Variants in COX20 observed in about 807,000 individuals in gnomAD.
COX20 encodes cytochrome c oxidase assembly protein COX20, mitochondrial.
In COX20, 14 loss-of-function variants were observed where a neutral mutation model predicts 14.3. The observed-to-expected ratio is 0.98, with a 90% CI of 0.65 to 1.53. COX20 has a LOEUF of 1.53. Ranked by LOEUF, COX20 falls within the 40% of genes most tolerant of loss-of-function variation. COX20 has a pLI of 0.00. For synonymous variants in COX20, 56 were observed against 51.7 expected (o/e 1.08, Z -0.36); for missense variants, 149 against 142.1 (o/e 1.05, Z -0.25).
intron 3 of COX20, chr1:244,842,484 A>G: frequency 2.0e-6 from 1 of 511,532 alleles, no homozygotes; most frequent in South Asian, 2.8e-5. Flanking sequence ...TTCACTTAGG[A>G]AAGCCTCAAC....
chr1:244,842,037 TTTGGACATTTTTTG>T lies in COX20; in HGVS notation c.139_152del (p.Gly47HisfsTer2), dbSNP rs1680221765. The T allele has an allele frequency of 6.2e-7, 1 of 1,608,196 alleles. No homozygotes were observed. Among genetic ancestry groups the T allele is most frequent in the Admixed American group, 1.7e-5 (1 of 59,886 alleles). ...TTCATTAGGATCTGTTGTGGCTGGC[TTTGGACATTTTTTG>T]TTCACTAGTGAGTATCTGTATTTTT... On this transcript the variant is annotated frameshift_variant, in exon 2 of 4. Transcript: ENST00000411948. LOFTEE classifies it high-confidence loss of function.
chr1:244,838,024 CAA>C (rs530613439), intron 1 of COX20, among the ~76,000 whole-genome samples: 2 of 148,870 alleles, frequency 1.3e-5, no homozygotes, highest in Non-Finnish European at 3.0e-5. Flanking sequence ...CTTCCCAATT[CAA>C]AAAAAAAATT....
At chr1:244,841,732 G>A (rs187360071) in intron 1 of COX20, 215 of 483,112 alleles carry the variant, frequency 4.5e-4, no homozygotes, top group Non-Finnish European at 5.2e-5. Flanking sequence ...AGGGTTTTCC[G>A]GTCCAATTTG....
intron 1 of COX20, among the ~76,000 whole-genome samples, chr1:244,838,554 C>A (rs970323954): frequency 5.3e-5 from 8 of 152,128 alleles, no homozygotes; most frequent in African/African-American, 1.9e-4. Flanking sequence ...AAAAAAGTTT[C>A]AAAAACAAAT....
chr1:244,844,183 G>T lies in COX20; in HGVS notation c.*1007G>T, dbSNP rs1336126332. 1.3e-5 allele frequency: 2 copies of T among 152,146 alleles called. No homozygotes were observed. The highest frequency in any genetic ancestry group is 2.4e-5 in the African/African-American group (1 of 41,428). The allele number at this position is 152,146 out of a possible 1,614,324, so 9.4% of individuals were successfully genotyped here. A position where few individuals can be genotyped will look rare whatever the true frequency, so the allele number is the denominator to read the frequency against. The stretch of plus-strand genomic sequence containing the variant: ...CAAGGAAGAAAATATTAGTTATTTT[G>T]ATCTACATCTTTTTCTAAAGAAAAG... On this transcript the variant is annotated 3_prime_UTR_variant, in exon 4 of 4. Coordinates refer to ENST00000411948, the MANE Select transcript of COX20 (RefSeq NM_198076.6).
In COX20 at chr1:244,836,476, T is replaced by G. The variant is rs915852835; in HGVS notation, c.42+720T>G. On this transcript the variant is annotated intron_variant, in intron 1 of 3. Transcript: ENST00000411948. ...AAAGCTGACTTACGTACTTTCCCCA[T>G]CTTCCCAGGCATCTTGTACGTCGTT... 3 of 1,550,198 alleles carry G rather than the reference T, an allele frequency of 1.9e-6. No individual in the cohort carries two copies. The African/African-American group carries it at 4.1e-5, about 21-fold the overall frequency.
At chr1:244,837,724 TCTA>T (rs1680039085) in intron 1 of COX20, among the ~76,000 whole-genome samples, 2 of 152,182 alleles carry the variant, frequency 1.3e-5, no homozygotes, top group South Asian at 4.1e-4. Context: ...AAGCAAGACT[TCTA>T]CTGAGCCAGT....
intron 1 of COX20, among the ~76,000 whole-genome samples, chr1:244,835,984 G>GACT (rs1440429597): frequency 6.6e-5 from 10 of 152,214 alleles, no homozygotes; most frequent in Non-Finnish European, 1.3e-4. Context: ...TAGTACTAAT[G>GACT]ACTTACTACA....
chr1:244,842,753 CTTGT>C (rs537451674), intron 3 of COX20: 18 of 267,224 alleles, frequency 6.7e-5, no homozygotes, highest in Non-Finnish European at 1.1e-4. Context: ...AGAGCAAATA[CTTGT>C]TTCTTATAAT....
chr1:244,836,896 C>T (rs933330334), intron 1 of COX20, among the ~76,000 whole-genome samples: 9 of 151,730 alleles, frequency 5.9e-5, no homozygotes, highest in Non-Finnish European at 1.0e-4. Flanking sequence ...TGTCAGTTTA[C>T]GTACTACTGG....
intron 1 of COX20, among the ~76,000 whole-genome samples, chr1:244,836,971 A>C (rs892590837): frequency 6.6e-6 from 1 of 152,218 alleles, no homozygotes; most frequent in African/African-American, 2.4e-5. Flanking sequence ...TTTAAAAAAA[A>C]AAAAAGATCT....
chr1:244,836,561 ATT>A, intron 1 of COX20: 1 of 1,513,432 alleles, frequency 6.6e-7, no homozygotes, highest in Non-Finnish European at 9.0e-7. Context: ...TGGGCTCCTT[ATT>A]AAGAGCAGGG....
At chr1:244,836,457 G>T (rs1218008995) in intron 1 of COX20, 3 of 1,548,384 alleles carry the variant, frequency 1.9e-6, no homozygotes, top group Admixed American at 3.9e-5. Context: ...CACCAAAGCT[G>T]ACTTACGTAC....
chr1:244,843,722 C>T lies in COX20; in HGVS notation c.*546C>T, dbSNP rs1456319992. On this transcript the variant is annotated 3_prime_UTR_variant, in exon 4 of 4. Coordinates refer to ENST00000411948, the MANE Select transcript of COX20 (RefSeq NM_198076.6). ...AAGAGTTGTTTTTAACTGCCCTAAACATTTTTGGGGAAGTATGCAGGGTTT... is the reference window on the plus strand; with the variant it reads ...AAGAGTTGTTTTTAACTGCCCTAAATATTTTTGGGGAAGTATGCAGGGTTT... 5 of 152,146 alleles carry T rather than the reference C, an allele frequency of 3.3e-5. No homozygotes were observed. The highest frequency in any genetic ancestry group is 5.9e-5 in the Non-Finnish European group (4 of 68,038). The allele number at this position is 152,146 out of a possible 1,614,324, so 9.4% of individuals were successfully genotyped here.
At position 244,843,291 on chromosome 1, in the gene COX20, T is replaced by C. The variant is rs1680289896; in HGVS notation, c.*115T>C. On this transcript the variant is annotated 3_prime_UTR_variant, in exon 4 of 4. Coordinates refer to ENST00000411948, the MANE Select transcript of COX20 (RefSeq NM_198076.6). ...AAAGTTTAAGTTGTAGTCATTTTTTTCCCACACTTGTGTGGAATGAAAACT... is the reference window on the plus strand; with the variant it reads ...AAAGTTTAAGTTGTAGTCATTTTTTCCCCACACTTGTGTGGAATGAAAACT... 3 of 1,277,162 alleles carry C rather than the reference T, an allele frequency of 2.3e-6. No individual in the cohort carries two copies. Among genetic ancestry groups the C allele is most frequent in the Non-Finnish European group, 3.2e-6 (3 of 925,778 alleles). 79.1% of individuals were successfully genotyped at this position (1,277,162 alleles called of 1,614,324 possible).
intron 1 of COX20, chr1:244,836,378 G>A: frequency 2.2e-6 from 2 of 912,626 alleles, no homozygotes; most frequent in South Asian, 2.8e-5. Context: ...ATCTCTTTAA[G>A]GATAAAACCC....
chr1:244,841,406 A>G (rs1005942078), intron 1 of COX20: 5 of 153,180 alleles, frequency 3.3e-5, no homozygotes, highest in African/African-American at 1.2e-4. Context: ...AGTTTAATAT[A>G]TTGCCCATGT....
chr1:244,835,584 G>GC (rs1679939769), upstream of COX20: 1 of 522,654 alleles, frequency 1.9e-6, no homozygotes, highest in Non-Finnish European at 2.9e-6. Flanking sequence ...CCCTAAAATG[G>GC]CGGCCGGCGC....
chr1:244,835,517 G>A (rs1424838047), upstream of COX20: 6 of 393,790 alleles, frequency 1.5e-5, no homozygotes, highest in African/African-American at 4.1e-5. Flanking sequence ...CCGTTCGACG[G>A]AACAAAGGAC....
Sources: allele counts gnomAD v4.1 joint callset (sites outside exome capture counted in the v4.1 genomes callset), GRCh38; gene constraint gnomAD v4.1.1; transcripts MANE v1.5; gene names NCBI Gene and HGNC (gene_info 2026-07-23, HGNC 2026-07-21).